COL28A1: variants seen among roughly 807,000 people sequenced by gnomAD.
COL28A1 encodes collagen alpha-1(XXVIII) chain.
A neutral mutation model predicts 150.2 loss-of-function variants in COL28A1; 161 were observed. The observed-to-expected ratio is 1.07, with a 90% CI of 0.94 to 1.22. COL28A1 has a LOEUF of 1.22. COL28A1 is among the 50% of genes most tolerant of loss of function. COL28A1 has a pLI of 0.00. For synonymous variants in COL28A1, 552 were observed against 469.7 expected (o/e 1.18, Z -2.26); for missense variants, 1,617 against 1,388.3 (o/e 1.16, Z -2.62).
At chr7:7,374,394 G>A (rs1314297091) in intron 31 of COL28A1, among the ~76,000 whole-genome samples, 2 of 152,092 alleles carry the variant, frequency 1.3e-5, no homozygotes, top group South Asian at 2.1e-4. Flanking sequence ...AATGTACACA[G>A]GAACAGCTAT....
downstream of COL28A1, among the ~76,000 whole-genome samples, chr7:7,353,929 G>A (rs555251735): frequency 1.3e-5 from 2 of 151,962 alleles, no homozygotes; most frequent in African/African-American, 2.4e-5. Flanking sequence ...AATACCCATA[G>A]CTCTCCATCC....
Position 7,381,580 on chromosome 7 carries a change from T to C in COL28A1, c.2169A>G (p.Pro723=), listed in dbSNP as rs758237340. 3.7e-6 allele frequency: 6 copies of C among 1,613,828 alleles called. No individual in the cohort carries two copies. The African/African-American group carries it at 6.7e-5, about 18-fold the overall frequency. The change falls in exon 28 of 35, where the codon CCA becomes CCG. Residue 723 remains proline, a synonymous_variant. Coordinates refer to ENST00000399429, the MANE Select transcript of COL28A1 (RefSeq NM_001037763.3). The part of the protein sequence containing the change: ...GEQGPQGFPG[P]KGTMGHGLPG... ...GGAGGCCATGGCCCATTGTGCCCTT[T>C]GGGCCTGGGAAGCCTTGTGGTCCTT...
intron 16 of COL28A1, among the ~76,000 whole-genome samples, chr7:7,454,102 T>C (rs1214337157): frequency 6.6e-6 from 1 of 152,204 alleles, no homozygotes; most frequent in East Asian, 1.9e-4. Context: ...CACATATGTG[T>C]ACATTTGTAT....
chr7:7,425,553 C>G (rs1203186512), intron 25 of COL28A1, among the ~76,000 whole-genome samples: 1 of 152,172 alleles, frequency 6.6e-6, no homozygotes, highest in Non-Finnish European at 1.5e-5. Flanking sequence ...GCGGTTTACT[C>G]CAATGTGTTA....
At chr7:7,424,056 T>C (rs980031885) in intron 25 of COL28A1, among the ~76,000 whole-genome samples, 4 of 151,974 alleles carry the variant, frequency 2.6e-5, no homozygotes, top group Non-Finnish European at 5.9e-5. Context: ...TTCACATATC[T>C]AAATAATCTT....
chr7:7,527,130 T>G lies in COL28A1; in HGVS notation c.682-2881A>C, dbSNP rs539517913. On this transcript the variant is annotated intron_variant, in intron 3 of 34. Coordinates refer to ENST00000399429, the MANE Select transcript of COL28A1 (RefSeq NM_001037763.3). ...AAACTATTTTTGGAACTCATTTAAT[T>G]TTGTGTTTGCTGGAATTTATATTTC... 1.1e-4 allele frequency among the ~76,000 whole-genome samples: 17 copies of G among 152,336 alleles called. 1 individual carries two copies. Among genetic ancestry groups the G allele is most frequent in the African/African-American group, 4.1e-4 (17 of 41,576 alleles).
At chr7:7,429,478 G>C (rs1176822189) in intron 25 of COL28A1, among the ~76,000 whole-genome samples, 8 of 151,084 alleles carry the variant, frequency 5.3e-5, no homozygotes, top group South Asian at 4.2e-4. Flanking sequence ...GTGTGTGGGG[G>C]GGGGGATGGT....
intron 13 of COL28A1, 131 bp downstream of exon 13, chr7:7,489,258 A>G (rs1007666029): frequency 3.0e-5 from 19 of 636,386 alleles, no homozygotes; most frequent in African/African-American, 2.2e-4. Context: ...TGACAGTGAG[A>G]TTCCGTCTCA....
intron 18 of COL28A1, among the ~76,000 whole-genome samples, chr7:7,445,863 C>CT (rs199729364): frequency 0.15 from 21,568 of 141,804 alleles, 1,704 homozygotes; most frequent in Middle Eastern, 0.24. Context: ...AACTTAATGC[C>CT]TTTTTTTTTT....
rs1272211319 is a variant in COL28A1, at chr7:7,532,919, T to C, written c.-37-7A>G. 4 of 1,520,142 alleles carry C rather than the reference T, an allele frequency of 2.6e-6. No individual in the cohort carries two copies. Among genetic ancestry groups the C allele is most frequent in the East Asian group, 2.3e-5 (1 of 42,994 alleles). 94.2% of individuals were successfully genotyped at this position (1,520,142 alleles called of 1,614,324 possible). On this transcript the variant is annotated splice_region_variant and splice_polypyrimidine_tract_variant and intron_variant, in intron 1 of 34. Transcript: ENST00000399429. ...ATCATCTGTCTTGTAGCACCTTTAA[T>C]AGAAAAGTCAGTTACAAATACTTTA... is the stretch of plus-strand genomic sequence containing the variant.
At chr7:7,521,716 C>T (rs937768671) in intron 5 of COL28A1, among the ~76,000 whole-genome samples, 189 bp downstream of exon 5, 1 of 152,144 alleles carries the variant, frequency 6.6e-6, no homozygotes, top group African/African-American at 2.4e-5. Context: ...CAGTAAAATC[C>T]CAGGCTTATT....
At chr7:7,471,168 T>G (rs1178181158) in intron 15 of COL28A1, among the ~76,000 whole-genome samples, 1 of 146,754 alleles carries the variant, frequency 6.8e-6, no homozygotes, top group Admixed American at 6.8e-5. Flanking sequence ...CTTCCTAGCT[T>G]AAATCAGGAA....
At chr7:7,368,205 T>C (rs974317819) in intron 33 of COL28A1, among the ~76,000 whole-genome samples, 2 of 151,866 alleles carry the variant, frequency 1.3e-5, no homozygotes, top group African/African-American at 4.8e-5. Flanking sequence ...TCTGCCTGCC[T>C]GGCCTATAGA....
chr7:7,531,694 T>C lies in COL28A1; in HGVS notation c.335A>G (p.Lys112Arg). The change falls in exon 3 of 35, where the codon AAG becomes AGG. Residue 112 changes from lysine (K) to arginine (R), a missense_variant. Coordinates refer to ENST00000399429, the MANE Select transcript of COL28A1 (RefSeq NM_001037763.3). The part of the protein sequence containing the change: ...VQIDPPFSSW[K>R]DLQTFKQKVK... ...CTTCTGCTTAAATGTCTGCAGGTCC[T>C]TCCAGGAAGAAAAAGGTGGATCAAT... is the stretch of plus-strand genomic sequence containing the variant. 1 of 1,592,428 alleles carries C rather than the reference T, an allele frequency of 6.3e-7. No homozygotes were observed. The highest frequency in any genetic ancestry group is 8.6e-7 in the Non-Finnish European group (1 of 1,160,184).
chr7:7,401,718 A>T (rs1562556137), intron 27 of COL28A1, among the ~76,000 whole-genome samples: 1 of 150,970 alleles, frequency 6.6e-6, no homozygotes, highest in Admixed American at 6.6e-5. Context: ...TATCTTACTT[A>T]TTTGTTTTTG....
the COL28A1 span, among the ~76,000 whole-genome samples, chr7:7,347,798 G>T: frequency 6.6e-6 from 1 of 152,072 alleles, no homozygotes; most frequent in African/African-American, 2.4e-5. Context: ...ATATGTTTGG[G>T]ATTATTAAGC....
At chr7:7,516,052 C>T (rs980549557) in intron 7 of COL28A1, among the ~76,000 whole-genome samples, 3 of 152,202 alleles carry the variant, frequency 2.0e-5, no homozygotes, top group African/African-American at 4.8e-5. Context: ...TTCCCTTTAT[C>T]ACATTTTATT....
intron 11 of COL28A1, among the ~76,000 whole-genome samples, chr7:7,499,353 G>A (rs1204889068): frequency 6.6e-6 from 1 of 152,170 alleles, no homozygotes; most frequent in African/African-American, 2.4e-5. Context: ...TGTCCTGCCA[G>A]AAGAACCAGA....
intron 30 of COL28A1, 38 bp from the exon 31 acceptor site, chr7:7,375,535 G>T: frequency 1.5e-6 from 2 of 1,344,974 alleles, no homozygotes; most frequent in South Asian, 2.6e-5. Flanking sequence ...CTATATGTAT[G>T]ACTATAATAT....
Sources: allele counts gnomAD v4.1 joint callset (sites outside exome capture counted in the v4.1 genomes callset), GRCh38; gene constraint gnomAD v4.1.1; transcripts MANE v1.5; gene names NCBI Gene and HGNC (gene_info 2026-07-23, HGNC 2026-07-21).